The following NTRK3 variants were observed in gnomAD, a reference collection of about 807,000 sequenced individuals.
The protein encoded by NTRK3 is NT-3 growth factor receptor.
In NTRK3, 24 loss-of-function variants were observed where a neutral mutation model predicts 91.7. The observed-to-expected ratio is 0.26, with a 90% CI of 0.19 to 0.37. NTRK3 has a LOEUF of 0.37. NTRK3 is among the 10% of genes least tolerant of loss of function. The pLI is 1.00. For synonymous variants in NTRK3, 483 were observed against 404.0 expected (o/e 1.20, Z -2.34); for missense variants, 880 against 1,068.9 (o/e 0.82, Z 2.46).
At chr15:88,002,669 C>T (rs1567212417) in intron 14 of NTRK3, among the ~76,000 whole-genome samples, 1 of 119,354 alleles carries the variant, frequency 8.4e-6, no homozygotes, top group African/African-American at 3.2e-5. Flanking sequence ...TAAGACTCAA[C>T]AGAAAACATG....
chr15:88,246,461 A>T (rs1216869182), intron 3 of NTRK3, among the ~76,000 whole-genome samples: 1 of 152,116 alleles, frequency 6.6e-6, no homozygotes, highest in African/African-American at 2.4e-5. Flanking sequence ...GGGAGAGGGG[A>T]GAGATTCCCC....
chr15:88,149,142 G>C (rs775163099), intron 5 of NTRK3, among the ~76,000 whole-genome samples: 9 of 152,266 alleles, frequency 5.9e-5, no homozygotes, highest in Admixed American at 1.3e-4. Flanking sequence ...AGTCCACCCA[G>C]TTCATAACAG....
intron 3 of NTRK3, among the ~76,000 whole-genome samples, chr15:88,220,365 G>A (rs1434899355): frequency 6.6e-6 from 1 of 152,118 alleles, no homozygotes; most frequent in Non-Finnish European, 1.5e-5. Flanking sequence ...AACCTCAAAG[G>A]CCACCAAGAC....
At chr15:87,904,956 T>C (rs2066674095) in intron 17 of NTRK3, among the ~76,000 whole-genome samples, 1 of 152,208 alleles carries the variant, frequency 6.6e-6, no homozygotes, top group Non-Finnish European at 1.5e-5. Context: ...GGAAGATGAA[T>C]GATGCTTTCC....
chr15:88,026,321 A>C (rs2078035441), intron 14 of NTRK3, among the ~76,000 whole-genome samples: 1 of 152,196 alleles, frequency 6.6e-6, no homozygotes, highest in African/African-American at 2.4e-5. Context: ...TAAATGAGCG[A>C]TCAAGCCAGG....
rs2046705046 is a variant in NTRK3, at chr15:88,183,601, G to A, written c.324-112C>T. 9.3e-6 allele frequency: 9 copies of A among 969,608 alleles called. No homozygotes were observed. In the East Asian group the frequency reaches 1.2e-4, roughly 13 times the overall value. The allele number at this position is 969,608 out of a possible 1,614,324, so 60.1% of individuals were successfully genotyped here. A position where few individuals can be genotyped will look rare whatever the true frequency, so the allele number is the denominator to read the frequency against. On this transcript the variant is annotated intron_variant, in intron 4 of 18. Coordinates refer to ENST00000394480, the Ensembl canonical transcript of NTRK3. ...AGGCTGGCCCTGCAGCCGCCCTGTG[G>A]ATTATCTACACCTCTTCATTGCCAG...
intron 13 of NTRK3, among the ~76,000 whole-genome samples, chr15:88,082,318 C>T (rs187182838): frequency 4.0e-4 from 60 of 151,790 alleles, no homozygotes; most frequent in Non-Finnish European, 7.4e-5. Context: ...ACCATGGTGC[C>T]CCCAGACTTC....
At chr15:88,195,314 A>C (rs955827567) in intron 3 of NTRK3, among the ~76,000 whole-genome samples, 5 of 152,210 alleles carry the variant, frequency 3.3e-5, no homozygotes, top group African/African-American at 1.2e-4. Context: ...CTCCTAATGC[A>C]TTGCAGGCTC....
chr15:88,158,556 G>T (rs1160362869), intron 5 of NTRK3, among the ~76,000 whole-genome samples: 1 of 152,230 alleles, frequency 6.6e-6, no homozygotes, highest in Non-Finnish European at 1.5e-5. Flanking sequence ...GCCACCAAAG[G>T]CCTTAAAATC....
intron 6 of NTRK3, among the ~76,000 whole-genome samples, chr15:88,140,850 C>T (rs916932175): frequency 5.3e-5 from 8 of 152,054 alleles, no homozygotes; most frequent in Non-Finnish European, 7.4e-5. Flanking sequence ...TAATATGGGC[C>T]TAGAGTGGAG....
At chr15:88,250,612 C>G (rs1181796277) in intron 3 of NTRK3, among the ~76,000 whole-genome samples, 1 of 152,118 alleles carries the variant, frequency 6.6e-6, no homozygotes, top group East Asian at 1.9e-4. Context: ...AGCTTATTCC[C>G]TCCTCACATT....
chr15:88,078,483 C>T (rs1410630506), intron 13 of NTRK3, among the ~76,000 whole-genome samples: 1 of 152,154 alleles, frequency 6.6e-6, no homozygotes, highest in East Asian at 1.9e-4. Flanking sequence ...AACCCTGTCT[C>T]TACTAAAAAT....
At chr15:88,189,816 G>A (rs1399263488) in intron 3 of NTRK3, among the ~76,000 whole-genome samples, 1 of 152,102 alleles carries the variant, frequency 6.6e-6, no homozygotes, top group Non-Finnish European at 1.5e-5. Flanking sequence ...AAACGAATTG[G>A]CAATCTCCAA....
At chr15:87,981,102 C>T in intron 14 of NTRK3, 1 of 1,431,590 alleles carries the variant, frequency 7.0e-7, no homozygotes. Context: ...CCGTGCTGGG[C>T]ACCTAGTCGT....
chr15:88,103,009 T>C (rs1198651342), intron 13 of NTRK3, among the ~76,000 whole-genome samples: 1 of 152,178 alleles, frequency 6.6e-6, no homozygotes, highest in Admixed American at 6.5e-5. Flanking sequence ...AAGAACTACA[T>C]GGATGTCAAT....
At chr15:88,118,378 GAGGA>G (rs1462728850) in intron 13 of NTRK3, among the ~76,000 whole-genome samples, 1 of 152,180 alleles carries the variant, frequency 6.6e-6, no homozygotes, top group African/African-American at 2.4e-5. Flanking sequence ...CATGAGAAGA[GAGGA>G]GGGGGTCTGT....
chr15:88,187,055 T>A (rs1437693845), intron 3 of NTRK3, among the ~76,000 whole-genome samples: 1 of 152,216 alleles, frequency 6.6e-6, no homozygotes, highest in Non-Finnish European at 1.5e-5. Flanking sequence ...CACATGTAAG[T>A]TCTCAGGCAG....
intron 17 of NTRK3, among the ~76,000 whole-genome samples, chr15:87,909,250 T>G (rs1197524606): frequency 6.6e-6 from 1 of 152,042 alleles, no homozygotes; most frequent in East Asian, 1.9e-4. Context: ...AGCAAGGCCT[T>G]TCCCTTGAAA....
chr15:87,927,710 C>G (rs1190496428), intron 17 of NTRK3: 1 of 152,196 alleles, frequency 6.6e-6, no homozygotes, highest in African/African-American at 2.4e-5. Context: ...GGAGAAGACA[C>G]AGCAAGCAGA....
Sources: allele counts gnomAD v4.1 joint callset (sites outside exome capture counted in the v4.1 genomes callset), GRCh38; gene constraint gnomAD v4.1.1; transcripts MANE v1.5; gene names NCBI Gene and HGNC (gene_info 2026-07-23, HGNC 2026-07-21).